Variants in GPR149 observed in about 807,000 individuals in gnomAD.
The protein encoded by GPR149 is probable G protein-coupled receptor 149.
A neutral mutation model predicts 50.2 loss-of-function variants in GPR149; 50 were observed. The observed-to-expected ratio is 1.00, with a 90% CI of 0.79 to 1.26. The LOEUF (loss-of-function observed/expected upper bound fraction) is 1.26. GPR149 is among the 50% of genes most tolerant of loss of function. The pLI, the probability that GPR149 is intolerant of heterozygous loss-of-function variation, is 0.00. For synonymous variants in GPR149, 405 were observed against 358.2 expected (o/e 1.13, Z -1.48); for missense variants, 983 against 895.4 (o/e 1.10, Z -1.25).
chr3:154,336,087 C>T lies in GPR149; in HGVS notation c.*1612G>A, dbSNP rs1017374019. 3 of 151,998 alleles carry T rather than the reference C, an allele frequency of 2.0e-5. No individual in the cohort carries two copies. Among genetic ancestry groups the T allele is most frequent in the Middle Eastern group, 3.4e-3 (1 of 294 alleles). 9.4% of individuals were successfully genotyped at this position (151,998 alleles called of 1,614,324 possible). ...CTTTTAAAATAAAATATATTTGTAACGAGAATACATTTGACTTTGAATTTA... is the reference window on the plus strand; with the variant it reads ...CTTTTAAAATAAAATATATTTGTAATGAGAATACATTTGACTTTGAATTTA... On this transcript the variant is annotated 3_prime_UTR_variant, in exon 4 of 4. Coordinates refer to ENST00000389740, the MANE Select transcript of GPR149 (RefSeq NM_001038705.3).
At chr3:154,373,646 G>GA (rs1714718218) in intron 3 of GPR149, among the ~76,000 whole-genome samples, 2 of 152,140 alleles carry the variant, frequency 1.3e-5, no homozygotes, top group Admixed American at 1.3e-4. Context: ...GACATGATTA[G>GA]AACAAGAGAT....
At chr3:154,403,004 G>A (rs796646328) in intron 3 of GPR149, among the ~76,000 whole-genome samples, 4 of 152,140 alleles carry the variant, frequency 2.6e-5, no homozygotes, top group African/African-American at 9.7e-5. Context: ...GGGCAACTAA[G>A]TAAATTAATA....
At chr3:154,367,595 T>C (rs1322795004) in intron 3 of GPR149, among the ~76,000 whole-genome samples, 1 of 152,202 alleles carries the variant, frequency 6.6e-6, no homozygotes, top group Non-Finnish European at 1.5e-5. Context: ...ATTTCCCTCC[T>C]TAAAGAGTTT....
intron 3 of GPR149, among the ~76,000 whole-genome samples, chr3:154,346,299 A>C (rs1342193375): frequency 6.6e-6 from 1 of 152,248 alleles, no homozygotes; most frequent in East Asian, 1.9e-4. Flanking sequence ...GTAGATTTTT[A>C]ATAATTTACT....
chr3:154,415,543 T>C (rs1237105409), intron 3 of GPR149, among the ~76,000 whole-genome samples: 1 of 151,864 alleles, frequency 6.6e-6, no homozygotes, highest in Non-Finnish European at 1.5e-5. Context: ...GCTGAAACAA[T>C]TAAATTGAGG....
chr3:154,378,805 A>G (rs961469192), intron 3 of GPR149, among the ~76,000 whole-genome samples: 1 of 152,100 alleles, frequency 6.6e-6, no homozygotes, highest in Non-Finnish European at 1.5e-5. Context: ...CTGTTTGTCT[A>G]ATGATTTTGA....
intron 3 of GPR149, among the ~76,000 whole-genome samples, chr3:154,396,859 T>C (rs1264760435): frequency 6.6e-6 from 1 of 151,474 alleles, no homozygotes; most frequent in Non-Finnish European, 1.5e-5. Context: ...TTTTCTGTTA[T>C]CTCCTTATTT....
Position 154,428,923 on chromosome 3 carries a change from T to C in GPR149, c.693A>G (p.Glu231=). ...EPPRLHSNYQ[E]ISRGASIPGT... is the part of the protein sequence containing the mutation. ...CAGGAATTGAAGCTCCACGGGAAAT[T>C]TCCTGGTAGTTGGAGTGGAGTCTCG... The change falls in exon 1 of 4, where the codon GAA becomes GAG. Residue 231 remains glutamate, a synonymous_variant. Coordinates refer to ENST00000389740, the MANE Select transcript of GPR149 (RefSeq NM_001038705.3). 1 of 1,614,018 alleles carries C rather than the reference T, an allele frequency of 6.2e-7. No homozygotes were observed. The highest frequency in any genetic ancestry group is 2.2e-5 in the East Asian group (1 of 44,852).
chr3:154,421,897 T>C (rs570438434), intron 2 of GPR149, among the ~76,000 whole-genome samples: 27 of 151,814 alleles, frequency 1.8e-4, no homozygotes, highest in Non-Finnish European at 3.7e-4. Flanking sequence ...TAGAAATTAA[T>C]TATTAAGTAG....
intron 3 of GPR149, among the ~76,000 whole-genome samples, chr3:154,355,091 G>A (rs369742965): frequency 5.2e-4 from 79 of 152,138 alleles, no homozygotes; most frequent in Admixed American, 5.2e-3. Flanking sequence ...GCAGTGGCGC[G>A]ATGTTGGCTC....
chr3:154,347,510 G>T (rs183235728), intron 3 of GPR149, among the ~76,000 whole-genome samples: 59 of 152,304 alleles, frequency 3.9e-4, no homozygotes, highest in African/African-American at 1.4e-3. Flanking sequence ...CATGATGTGT[G>T]GGGATTATGG....
intron 3 of GPR149, among the ~76,000 whole-genome samples, chr3:154,375,456 A>G (rs1480175418): frequency 6.6e-6 from 1 of 152,166 alleles, no homozygotes; most frequent in African/African-American, 2.4e-5. Context: ...AATTGAAGCT[A>G]AAACATTATT....
intron 3 of GPR149, among the ~76,000 whole-genome samples, chr3:154,346,084 T>C (rs994025023): frequency 7.9e-5 from 12 of 152,228 alleles, no homozygotes; most frequent in African/African-American, 2.4e-4. Flanking sequence ...CACTAACTCA[T>C]GAGTAACCCA....
At chr3:154,420,021 T>C (rs1298964633) in intron 3 of GPR149, among the ~76,000 whole-genome samples, 1 of 152,030 alleles carries the variant, frequency 6.6e-6, no homozygotes, top group African/African-American at 2.4e-5. Flanking sequence ...TTTAAAACAA[T>C]GGTATCAGGA....
intron 3 of GPR149, among the ~76,000 whole-genome samples, chr3:154,379,834 G>T (rs1280771802): frequency 3.2e-4 from 48 of 151,962 alleles, no homozygotes; most frequent in Non-Finnish European, 4.4e-5. Flanking sequence ...CATAATTACT[G>T]TGTCTTTATA....
At chr3:154,360,369 CT>C (rs1219454665) in intron 3 of GPR149, among the ~76,000 whole-genome samples, 4 of 152,198 alleles carry the variant, frequency 2.6e-5, no homozygotes, top group African/African-American at 9.7e-5. Flanking sequence ...AGAATCAAGG[CT>C]GTGGCAACAC....
At chr3:154,358,401 A>G (rs1217880146) in intron 3 of GPR149, among the ~76,000 whole-genome samples, 2 of 152,170 alleles carry the variant, frequency 1.3e-5, no homozygotes, top group Non-Finnish European at 2.9e-5. Flanking sequence ...AGTAGCCTCA[A>G]TGAAATCACT....
At chr3:154,375,728 G>T (rs1437958177) in intron 3 of GPR149, among the ~76,000 whole-genome samples, 2 of 152,090 alleles carry the variant, frequency 1.3e-5, no homozygotes, top group African/African-American at 2.4e-5. Flanking sequence ...TTTTTGGGGG[G>T]TGTGGGTGGT....
chr3:154,418,455 C>T (rs1478747867), intron 3 of GPR149, among the ~76,000 whole-genome samples: 1 of 99,094 alleles, frequency 1.0e-5, no homozygotes, highest in Non-Finnish European at 2.0e-5. Flanking sequence ...GAAAATGTGG[C>T]ACATATACAC....
Sources: gnomAD v4.1 joint callset for allele counts (sites outside exome capture counted in the v4.1 genomes callset) on GRCh38, gnomAD v4.1.1 for gene constraint, MANE v1.5 for transcripts, NCBI Gene and HGNC (gene_info 2026-07-23, HGNC 2026-07-21) for gene names.